The following INPP5D variants were observed in gnomAD, a reference collection of about 807,000 sequenced individuals.
The protein encoded by INPP5D is inositol polyphosphate-5-phosphatase D.
A neutral mutation model predicts 122.9 loss-of-function variants in INPP5D; 33 were observed. The observed-to-expected ratio is 0.27, with a 90% CI of 0.20 to 0.36. The LOEUF is 0.36. Among genes scored for constraint, INPP5D ranks in the 10% least tolerant of loss-of-function variants. INPP5D has a pLI of 1.00. For synonymous variants in INPP5D, 584 were observed against 576.2 expected (o/e 1.01, Z -0.19); for missense variants, 1,053 against 1,412.7 (o/e 0.75, Z 4.08).
At chr2:233,145,360 G>C in intron 6 of INPP5D, 1 of 456,104 alleles carries the variant, frequency 2.2e-6, no homozygotes, top group Admixed American at 2.3e-5. Context: ...ACACTGTTCT[G>C]AGCCCCAGTG....
At chr2:233,095,112 G>T (rs1029335957) in intron 2 of INPP5D, among the ~76,000 whole-genome samples, 1 of 152,190 alleles carries the variant, frequency 6.6e-6, no homozygotes, top group East Asian at 1.9e-4. Flanking sequence ...AGACTATGCA[G>T]CTGCTTAAAA....
chr2:233,074,622 G>GT (rs139197036), intron 1 of INPP5D, among the ~76,000 whole-genome samples: 3,883 of 148,226 alleles, frequency 0.026, 156 homozygotes, highest in African/African-American at 0.081. Context: ...TTTTTTTTGT[G>GT]TTTTTTTTTT....
chr2:233,060,758 T>C lies in INPP5D; in HGVS notation c.134+146T>C. The C allele has an allele frequency of 5.0e-6, 6 of 1,190,408 alleles. No individual in the cohort carries two copies. The South Asian group carries it at 8.8e-5, about 17-fold the overall frequency. 73.7% of individuals were successfully genotyped at this position (1,190,408 alleles called of 1,614,324 possible). On this transcript the variant is annotated intron_variant, in intron 1 of 26. Transcript: ENST00000445964. ...CGCCACCCTGTCATGGACCTTGTCC[T>C]TGGAGTTCAGAGAGCTGGTCTCATG...
Position 233,078,150 on chromosome 2 carries a change from C to T in INPP5D, c.135-1185C>T, listed in dbSNP as rs1050194376. Among the ~76,000 whole-genome samples, 2 of 152,224 alleles carry T rather than the reference C, an allele frequency of 1.3e-5. No individual in the cohort carries two copies. The highest frequency in any genetic ancestry group is 4.8e-5 in the African/African-American group (2 of 41,464). On this transcript the variant is annotated intron_variant, in intron 1 of 26. Coordinates refer to ENST00000445964, the MANE Select transcript of INPP5D (RefSeq NM_001017915.3). This position sits in a 1 kb window ranked among gnomAD's most constrained non-coding sequence, Gnocchi z 4.6. ...AGCTTTCCCTCGATCTCCTGACAGC[C>T]TTCTGGCCTCAGCAGCCGATGGATT...
At position 233,170,656 on chromosome 2, in the gene INPP5D, C is replaced by A; in HGVS notation, c.1900+52C>A. ...CGGTGGCTCACACCTGTAATCCCAG[C>A]ACTTTAGGAGGCCGAGGCGGGCGGA... On this transcript the variant is annotated intron_variant, in intron 16 of 26. Transcript: ENST00000445964. The surrounding 1 kb of genome is among the most constrained non-coding windows in gnomAD (Gnocchi z 4.5). 6.3e-7 allele frequency: 1 copy of A among 1,599,474 alleles called. No homozygotes were observed. The highest frequency in any genetic ancestry group is 8.5e-7 in the Non-Finnish European group (1 of 1,171,162).
chr2:233,077,721 G>GTGAT (rs1559277166), intron 1 of INPP5D, among the ~76,000 whole-genome samples: 1 of 150,204 alleles, frequency 6.7e-6, no homozygotes, highest in Non-Finnish European at 1.5e-5. Context: ...TTAGCCAAGT[G>GTGAT]TGATGGCAGG....
chr2:233,190,034 A>G, intron 22 of INPP5D, 97 bp downstream of exon 22: 2 of 1,525,144 alleles, frequency 1.3e-6, no homozygotes, highest in South Asian at 2.5e-5. Context: ...TTCCGGTCAT[A>G]GGCTCCTGCC....
chr2:233,198,153 G>T lies in INPP5D; in HGVS notation c.2752G>T (p.Val918Leu). 1 of 1,613,374 alleles carries T rather than the reference G, an allele frequency of 6.2e-7. No homozygotes were observed. Among genetic ancestry groups the T allele is most frequent in the Non-Finnish European group, 8.5e-7 (1 of 1,179,874 alleles). ...AATCATCAACCCCAACTACATGGGA[G>T]TGGGGCCCTTTGGGCCACCAATGCC... ...TEIINPNYMG[V>L]GPFGPPMPLH... The change falls in exon 25 of 27, where the codon GTG becomes TTG. Residue 918 changes from valine to leucine, a missense_variant. Val to Leu is a conservative substitution (Grantham distance 32). Transcript: ENST00000445964.
intron 2 of INPP5D, among the ~76,000 whole-genome samples, chr2:233,111,787 G>A (rs987389568): frequency 3.9e-5 from 6 of 152,178 alleles, no homozygotes; most frequent in Non-Finnish European, 7.3e-5. Flanking sequence ...AAGGCCAGGC[G>A]CAGTGGCTCA....
chr2:233,193,929 C>T lies in INPP5D; in HGVS notation c.2564C>T (p.Thr855Ile). 10 of 1,612,280 alleles carry T rather than the reference C, an allele frequency of 6.2e-6. No individual in the cohort carries two copies. The highest frequency in any genetic ancestry group is 8.5e-6 in the Non-Finnish European group (10 of 1,178,596). ...TTCCAGGGGGAGATCAAGCTGCAGACCTCTCAGGGCAAGACGAGGGAGAAG... is the reference window on the plus strand; with the variant it reads ...TTCCAGGGGGAGATCAAGCTGCAGATCTCTCAGGGCAAGACGAGGGAGAAG... ...GHFQGEIKLQ[T>I]SQGKTREKLY... The change falls in exon 23 of 27, where the codon ACC becomes ATC. Residue 855 changes from threonine to isoleucine, a missense_variant. This residue lies in a region of INPP5D where 258 missense variants were observed against 439.1 expected (regional missense o/e 0.59). Transcript: ENST00000445964.
At chr2:233,190,236 C>G (rs930849898) in intron 22 of INPP5D, among the ~76,000 whole-genome samples, 1 of 152,204 alleles carries the variant, frequency 6.6e-6, no homozygotes, top group East Asian at 1.9e-4. Flanking sequence ...CCTTACTGTT[C>G]TCCAATGAGT....
chr2:233,202,522 C>T (rs1192729517), intron 25 of INPP5D, among the ~76,000 whole-genome samples: 1 of 152,186 alleles, frequency 6.6e-6, no homozygotes, highest in Non-Finnish European at 1.5e-5. Context: ...AGGACGACAT[C>T]CCGCCTTTGT....
chr2:233,171,452 G>A lies in INPP5D; in HGVS notation c.1989+300G>A, dbSNP rs183231598. 6.9e-4 allele frequency among the ~76,000 whole-genome samples: 105 copies of A among 152,194 alleles called. 1 individual carries two copies. In the Middle Eastern group the frequency reaches 0.01, roughly 15 times the overall value. ...CTGAAGATCATTTTTTTAAAGTCCC[G>A]TGATCAAATATATTTACTAAACTGC... is the stretch of plus-strand genomic sequence containing the variant. On this transcript the variant is annotated intron_variant, in intron 17 of 26. Coordinates refer to ENST00000445964, the MANE Select transcript of INPP5D (RefSeq NM_001017915.3).
chr2:233,083,509 C>T (rs531310001), intron 2 of INPP5D, among the ~76,000 whole-genome samples: 1 of 152,244 alleles, frequency 6.6e-6, no homozygotes, highest in East Asian at 1.9e-4. Context: ...TGAGGCCAGA[C>T]GAAGGCAGAA....
intron 10 of INPP5D, 50 bp downstream of exon 10, chr2:233,158,469 C>T (rs1465041085): frequency 1.5e-6 from 1 of 673,896 alleles, no homozygotes; most frequent in South Asian, 1.6e-5. Flanking sequence ...GGAGGGGACA[C>T]AAGCGTTTTG....
chr2:233,185,714 TAAAAAAAAAAA>T (rs34533084), intron 20 of INPP5D, 118 bp from the exon 21 acceptor site: 3 of 626,728 alleles, frequency 4.8e-6, no homozygotes, highest in South Asian at 1.7e-4. Context: ...GGCCCCGAGA[TAAAAAAAAAAA>T]AAAAAAAAAA....
At chr2:233,157,031 G>A (rs1266775774) in intron 9 of INPP5D, among the ~76,000 whole-genome samples, 2 of 152,198 alleles carry the variant, frequency 1.3e-5, no homozygotes, top group Non-Finnish European at 2.9e-5. Flanking sequence ...AGAGATGATG[G>A]AACAAGGTTC....
In INPP5D at chr2:233,146,359, GC is replaced by G; in HGVS notation, c.835-5del. On this transcript the variant is annotated splice_region_variant and splice_polypyrimidine_tract_variant and intron_variant, in intron 7 of 26. Transcript: ENST00000445964. ...TTGACCCTCTGTCTCTAACGCTGCT[GC>G]CCACAGGTCAAGGCCTTGCTGCACG... The G allele has an allele frequency of 1.4e-6, 1 of 704,294 alleles. No homozygotes were observed. The highest frequency in any genetic ancestry group is 2.6e-6 in the Non-Finnish European group (1 of 385,024). 43.6% of individuals were successfully genotyped at this position (704,294 alleles called of 1,614,324 possible). A position where few individuals can be genotyped will look rare whatever the true frequency, so the allele number is the denominator to read the frequency against.
At position 233,188,031 on chromosome 2, in the gene INPP5D, C is replaced by G. The variant is rs1190161278; in HGVS notation, c.2359-1819C>G. ...TCTTGCCTCTGTCCCCTCCCTCAGT[C>G]CCCCTGCCCCCTCCCAGGGGGTCCA... On this transcript the variant is annotated intron_variant, in intron 21 of 26. Transcript: ENST00000445964. The surrounding 1 kb of genome is among the most constrained non-coding windows in gnomAD (Gnocchi z 4.7). 6.6e-6 allele frequency among the ~76,000 whole-genome samples: 1 copy of G among 152,076 alleles called. No homozygotes were observed. The highest frequency in any genetic ancestry group is 2.4e-5 in the African/African-American group (1 of 41,408).
Sources: gnomAD v4.1 joint callset for allele counts (sites outside exome capture counted in the v4.1 genomes callset) on GRCh38, gnomAD v4.1.1 for gene constraint, gnomAD v4.1.1 regional missense constraint, Gnocchi (gnomAD v3.1) non-coding constraint, MANE v1.5 for transcripts, NCBI Gene and HGNC (gene_info 2026-07-23, HGNC 2026-07-21) for gene names.